Variants in CENPI observed in about 807,000 individuals in gnomAD.
CENPI encodes the protein centromere protein I.
In CENPI, 4 loss-of-function variants were observed where a neutral mutation model predicts 60.4. The ratio of observed to expected loss-of-function variants is 0.07; its 90% CI spans 0.03 to 0.15. The LOEUF is 0.15. CENPI is among the 10% of genes least tolerant of loss of function. CENPI has a pLI of 1.00. For synonymous variants in CENPI, 157 were observed against 189.4 expected (o/e 0.83, Z 1.40); for missense variants, 444 against 534.5 (o/e 0.83, Z 1.67).
intron 20 of CENPI, among the ~76,000 whole-genome samples, chrX:101,150,810 T>G (rs1251191082): frequency 9.0e-6 from 1 of 111,403 alleles, no homozygotes; most frequent in Non-Finnish European, 1.9e-5. Flanking sequence ...TTGCTTTTTG[T>G]TTTTTCCATC....
At chrX:101,141,759 C>T (rs1277915790) in intron 16 of CENPI, among the ~76,000 whole-genome samples, 4 of 110,869 alleles carry the variant, frequency 3.6e-5, no homozygotes, top group Admixed American at 9.7e-5. Context: ...TTTATTGAGA[C>T]AGGGTCTTGC....
chrX:101,152,254 G>A (rs189215981), intron 20 of CENPI, among the ~76,000 whole-genome samples: 157 of 108,720 alleles, frequency 1.4e-3, no homozygotes, highest in African/African-American at 5.1e-3. Context: ...TAGTAGAGAC[G>A]GGGTTTCACC....
chrX:101,160,099 G>C (rs2148264266), intron 20 of CENPI, among the ~76,000 whole-genome samples: 1 of 112,144 alleles, frequency 8.9e-6, no homozygotes, highest in East Asian at 2.8e-4. Flanking sequence ...TGTGATCATT[G>C]TCAGTCAGGT....
rs776868752 is a variant in CENPI at position 101,164,007 on chromosome X, C to T, written c.*1040C>T. On this transcript the variant is annotated 3_prime_UTR_variant, in exon 22 of 22. Transcript: ENST00000682095. Reference sequence around the variant, plus strand: ...CCAAGATCGCGCCACTGCACTCCAGCGAGACTCTGTCTCAAAAAAAAAAAA... The same window carrying T: ...CCAAGATCGCGCCACTGCACTCCAGTGAGACTCTGTCTCAAAAAAAAAAAA... Among the ~76,000 whole-genome samples, 9 of 86,125 alleles carry T rather than the reference C, an allele frequency of 1.0e-4. No individual in the cohort carries two copies. Among genetic ancestry groups the T allele is most frequent in the African/African-American group, 2.7e-4 (6 of 22,011 alleles). 74.8% of individuals were successfully genotyped at this position (86,125 alleles called of 115,157 possible). A position where few individuals can be genotyped will look rare whatever the true frequency, so the allele number is the denominator to read the frequency against.
At chrX:101,129,139 C>T (rs973998476) in intron 12 of CENPI, among the ~76,000 whole-genome samples, 1 of 111,554 alleles carries the variant, frequency 9.0e-6, no homozygotes, top group African/African-American at 3.3e-5. Context: ...CCAGAATCAT[C>T]CTGTTAATGG....
chrX:101,105,015 C>T (rs1980554), intron 4 of CENPI, among the ~76,000 whole-genome samples: 15,265 of 111,289 alleles, frequency 0.14, 769 homozygotes, highest in Middle Eastern at 0.24. Context: ...CATTACTAAC[C>T]GAATTCAACA....
the CENPI span, among the ~76,000 whole-genome samples, chrX:101,177,896 GC>G: frequency 3.6e-5 from 4 of 112,233 alleles, no homozygotes; most frequent in East Asian, 2.8e-4. Flanking sequence ...GGGCTATTGG[GC>G]CCCCAGGCAG....
intron 6 of CENPI, among the ~76,000 whole-genome samples, chrX:101,110,481 T>G (rs2089541996): frequency 8.9e-6 from 1 of 112,218 alleles, no homozygotes; most frequent in South Asian, 3.7e-4. Context: ...TTAAATAGCA[T>G]AATTATTTCT....
chrX:101,180,127 T>C, the CENPI span, among the ~76,000 whole-genome samples: 1 of 111,431 alleles, frequency 9.0e-6, no homozygotes. Context: ...TGGAAAAATG[T>C]CTAATTATGT....
At chrX:101,123,932 C>T (rs896952809) in intron 8 of CENPI, among the ~76,000 whole-genome samples, 2 of 111,606 alleles carry the variant, frequency 1.8e-5, no homozygotes, top group Admixed American at 9.6e-5. Context: ...AAAACACTAA[C>T]ATGATGATTG....
intron 14 of CENPI, 42 bp from the exon 15 acceptor site, chrX:101,132,350 A>G: frequency 4.2e-6 from 5 of 1,193,563 alleles, no homozygotes; most frequent in Non-Finnish European, 5.7e-6. Context: ...TCAACGTACT[A>G]TGATTGAAAG....
At chrX:101,132,517 A>G in intron 15 of CENPI, 61 bp downstream of exon 15, 1 of 931,744 alleles carries the variant, frequency 1.1e-6, no homozygotes, top group Non-Finnish European at 1.5e-6. Context: ...CTAGTGGTAC[A>G]CAATTCCAAA....
At chrX:101,138,824 C>T (rs139449195) in intron 15 of CENPI, among the ~76,000 whole-genome samples, 1,190 of 108,531 alleles carry the variant, frequency 0.011, 14 homozygotes, top group African/African-American at 0.038. Flanking sequence ...CAGGGTTTTG[C>T]CATGTTGCCC....
intron 15 of CENPI, among the ~76,000 whole-genome samples, chrX:101,138,772 C>T (rs1272692525): frequency 1.8e-5 from 2 of 108,700 alleles, no homozygotes; most frequent in African/African-American, 3.4e-5. Flanking sequence ...ACTACAGGCA[C>T]GTGCCACCAT....
the CENPI span, among the ~76,000 whole-genome samples, chrX:101,171,257 C>A: frequency 9.1e-6 from 1 of 110,067 alleles, no homozygotes; most frequent in South Asian, 4.0e-4. Context: ...GAAGAATAGT[C>A]CCCCATTGTA....
rs137937705 is a variant in CENPI at position 101,109,904 on chromosome X, G to A, written c.497G>A (p.Arg166His). ...TCTCTTCAATAGGTACTTTTTTATCGTTGGCTGGTTGCAATGTTTGACTTC... is the reference window on the plus strand; with the variant it reads ...TCTCTTCAATAGGTACTTTTTTATCATTGGCTGGTTGCAATGTTTGACTTC... ...CSGSTKVLFY[R>H]WLVAMFDFID... Residue 166 changes from arginine (R) to histidine (H), a missense_variant, in exon 6 of 22, where the codon CGT becomes CAT. Transcript: ENST00000682095. 80 of 1,193,746 alleles carry A rather than the reference G, an allele frequency of 6.7e-5. No homozygotes were observed. The highest frequency in any genetic ancestry group is 8.7e-5 in the Non-Finnish European group (77 of 881,729).
chrX:101,133,721 A>G (rs1201477851), intron 15 of CENPI, among the ~76,000 whole-genome samples: 2 of 111,820 alleles, frequency 1.8e-5, no homozygotes, highest in Non-Finnish European at 3.8e-5. Flanking sequence ...AAGGGAATAT[A>G]GGATATCAAT....
At chrX:101,129,867 G>A in intron 12 of CENPI, 115 bp from the exon 13 acceptor site, 1 of 501,267 alleles carries the variant, frequency 2.0e-6, no homozygotes, top group Non-Finnish European at 3.5e-6. Flanking sequence ...TAGCTAGGAT[G>A]TATGAGACTT....
the CENPI span, among the ~76,000 whole-genome samples, chrX:101,174,024 C>T: frequency 4.5e-5 from 5 of 112,064 alleles, no homozygotes; most frequent in South Asian, 1.8e-3. Flanking sequence ...CAGAGAAGTG[C>T]AGATCAAAAC....
Sources: allele counts gnomAD v4.1 joint callset (sites outside exome capture counted in the v4.1 genomes callset), GRCh38; gene constraint gnomAD v4.1.1; transcripts MANE v1.5; gene names NCBI Gene and HGNC (gene_info 2026-07-23, HGNC 2026-07-21).